The following PDE11A variants were observed in gnomAD, a reference collection of about 807,000 sequenced individuals.
PDE11A encodes the protein dual 3',5'-cyclic-AMP and -GMP phosphodiesterase 11A.
PDE11A carries 100 observed loss-of-function variants against 100.5 expected under a neutral mutation model. That is an observed-to-expected ratio of 1.00 (90% CI 0.85 to 1.18). The LOEUF is 1.18. Among genes scored for constraint, PDE11A ranks in the 50% most tolerant of loss-of-function variants. The pLI is 0.00. For missense variants in PDE11A, 1,141 were observed against 1,152.6 expected (o/e 0.99, Z 0.15); for synonymous variants, 381 against 420.8 (o/e 0.91, Z 1.16).
At chr2:177,971,739 C>T (rs2085773097) in intron 2 of PDE11A, among the ~76,000 whole-genome samples, 1 of 152,056 alleles carries the variant, frequency 6.6e-6, no homozygotes, top group African/African-American at 2.4e-5. Flanking sequence ...ATTTCTCTTC[C>T]TGCCCATTAA....
At chr2:177,733,047 T>C (rs1422193467) in intron 10 of PDE11A, among the ~76,000 whole-genome samples, 2 of 152,230 alleles carry the variant, frequency 1.3e-5, no homozygotes, top group Admixed American at 6.5e-5. Flanking sequence ...TTCCTTGTTA[T>C]AGAGACACAG....
chr2:177,819,860 T>TTCTCTTTCTCTCTC (rs60572849), intron 7 of PDE11A, among the ~76,000 whole-genome samples: 5,932 of 100,408 alleles, frequency 0.059, 326 homozygotes, highest in African/African-American at 0.09. Flanking sequence ...CTTTCTCTCT[T>TTCTCTTTCTCTCTC]TCTCTCTTTC....
intron 2 of PDE11A, among the ~76,000 whole-genome samples, chr2:177,919,340 G>A (rs886874216): frequency 4.6e-5 from 7 of 151,858 alleles, no homozygotes; most frequent in Non-Finnish European, 7.4e-5. Flanking sequence ...CTCGTGATCC[G>A]CCCACCTCGG....
intron 3 of PDE11A, among the ~76,000 whole-genome samples, chr2:177,898,738 A>T (rs1052381615): frequency 1.3e-5 from 2 of 152,166 alleles, no homozygotes; most frequent in Non-Finnish European, 2.9e-5. Flanking sequence ...TGTTAAATAT[A>T]CTCTTTTAAA....
chr2:177,739,537 T>C (rs1036856222), intron 10 of PDE11A, among the ~76,000 whole-genome samples: 2 of 152,318 alleles, frequency 1.3e-5, no homozygotes, highest in Admixed American at 6.5e-5. Context: ...TACCCAATCA[T>C]CACCTTCCAG....
At chr2:178,019,249 C>G (rs2086377524) in intron 1 of PDE11A, among the ~76,000 whole-genome samples, 1 of 152,088 alleles carries the variant, frequency 6.6e-6, no homozygotes, top group South Asian at 2.1e-4. Context: ...TTTCTAAATC[C>G]TAAGAAGAGG....
At chr2:178,085,397 G>A (rs935005376) in intron 2 of PDE11A, among the ~76,000 whole-genome samples, 1 of 152,070 alleles carries the variant, frequency 6.6e-6, no homozygotes, top group African/African-American at 2.4e-5. Flanking sequence ...CACTGTGGAG[G>A]GGGGTGTTTT....
At chr2:177,659,021 G>A (rs1008187727) in intron 19 of PDE11A, among the ~76,000 whole-genome samples, 1 of 152,096 alleles carries the variant, frequency 6.6e-6, no homozygotes, top group African/African-American at 2.4e-5. Context: ...CACTTTGGGA[G>A]GCTGAGGCCT....
intron 5 of PDE11A, among the ~76,000 whole-genome samples, chr2:177,853,645 T>A (rs1257880970): frequency 6.8e-5 from 1 of 14,810 alleles, no homozygotes; most frequent in African/African-American, 2.4e-4. Context: ...CATATATATA[T>A]ATATATATAT....
intron 10 of PDE11A, among the ~76,000 whole-genome samples, chr2:177,730,852 T>C (rs980873132): frequency 4.6e-5 from 7 of 152,156 alleles, no homozygotes; most frequent in African/African-American, 1.7e-4. Flanking sequence ...AGTACAGTAG[T>C]GTTAACTATA....
At chr2:177,948,821 G>T (rs900053927) in intron 2 of PDE11A, among the ~76,000 whole-genome samples, 1 of 152,146 alleles carries the variant, frequency 6.6e-6, no homozygotes, top group Non-Finnish European at 1.5e-5. Context: ...AGGTAGGGGG[G>T]ATTGCTTGAG....
chr2:177,709,413 G>C (rs2081325818), intron 13 of PDE11A, among the ~76,000 whole-genome samples: 1 of 152,270 alleles, frequency 6.6e-6, no homozygotes, highest in East Asian at 1.9e-4. Context: ...GGGTAGGCTG[G>C]GTGACTGGCG....
intron 1 of PDE11A, among the ~76,000 whole-genome samples, chr2:178,067,712 G>A (rs575850715): frequency 6.6e-6 from 1 of 152,086 alleles, no homozygotes; most frequent in Admixed American, 6.5e-5. Flanking sequence ...GTTTTTTGTG[G>A]ACAGTACATG....
chr2:177,667,572 C>T (rs78059929), intron 18 of PDE11A, among the ~76,000 whole-genome samples: 4,684 of 152,228 alleles, frequency 0.031, 169 homozygotes, highest in African/African-American at 0.091. Context: ...GTACTAGTCA[C>T]TTCTTAATCA....
At chr2:177,687,905 G>A (rs1361295625) in intron 15 of PDE11A, 2 of 152,234 alleles carry the variant, frequency 1.3e-5, no homozygotes, top group East Asian at 3.9e-4. Flanking sequence ...AAGATTTATT[G>A]TTGCCAATAA....
intron 10 of PDE11A, among the ~76,000 whole-genome samples, chr2:177,758,174 G>A (rs1248343018): frequency 1.3e-5 from 2 of 151,236 alleles, no homozygotes; most frequent in Non-Finnish European, 2.9e-5. Flanking sequence ...GCAGGCGCCT[G>A]TAGTCCCAGC....
At chr2:178,024,329 T>C (rs11885059) in intron 1 of PDE11A, among the ~76,000 whole-genome samples, 46 of 152,216 alleles carry the variant, frequency 3.0e-4, no homozygotes, top group African/African-American at 1.1e-3. Flanking sequence ...GGAGAATTGC[T>C]TGGGCCCGGG....
chr2:177,676,056 G>A (rs1323705638), intron 16 of PDE11A: 3 of 196,968 alleles, frequency 1.5e-5, no homozygotes, highest in Non-Finnish European at 3.2e-5. Flanking sequence ...TTTCACTCCA[G>A]TTTACTACCT....
At chr2:177,936,616 G>A (rs531605288) in intron 2 of PDE11A, among the ~76,000 whole-genome samples, 1 of 152,146 alleles carries the variant, frequency 6.6e-6, no homozygotes, top group Non-Finnish European at 1.5e-5. Context: ...ATTTATTTCA[G>A]GACTTTAAAA....
Sources: allele counts gnomAD v4.1 joint callset (sites outside exome capture counted in the v4.1 genomes callset), GRCh38; gene constraint gnomAD v4.1.1; transcripts MANE v1.5; gene names NCBI Gene and HGNC (gene_info 2026-07-23, HGNC 2026-07-21).